URB1: variants seen among roughly 807,000 people sequenced by gnomAD.
URB1 encodes URB1 ribosome biogenesis factor, also known as nucleolar pre-ribosomal-associated protein 1.
URB1 carries 197 observed loss-of-function variants against 242.3 expected under a neutral mutation model. The observed-to-expected ratio is 0.81, with a 90% CI of 0.72 to 0.91. The LOEUF (loss-of-function observed/expected upper bound fraction) is 0.91. URB1 is among the 40% of genes least tolerant of loss of function. The pLI, the probability that URB1 is intolerant of heterozygous loss-of-function variation, is 0.00. For synonymous variants in URB1, 1,153 were observed against 1,201.8 expected, an observed-to-expected ratio of 0.96 and a Z score of 0.84; for missense variants, 2,721 against 2,860.5, an observed-to-expected ratio of 0.95 and a Z score of 1.11.
At chr21:32,321,750 A>G (rs1246169680) in intron 34 of URB1, 51 bp downstream of exon 34, 13 of 1,539,748 alleles carry the variant, frequency 8.4e-6, no homozygotes, top group Non-Finnish European at 1.1e-5. Context: ...TAAAATCTTA[A>G]GAAGGGGCAC....
In URB1 at chr21:32,345,430, G is replaced by A; in HGVS notation, c.4014C>T (p.Leu1338=). The part of the protein sequence containing the change: ...QLVPFARAKD[L]SVLMDRLPSL... ...TGGGCAGGCGGTCCATGAGTACACTGAGATCCTTGGCTCGTGCAAACGGGA... is the reference window on the plus strand; with the variant it reads ...TGGGCAGGCGGTCCATGAGTACACTAAGATCCTTGGCTCGTGCAAACGGGA... Residue 1338 remains leucine, a synonymous_variant, in exon 23 of 39, where the codon CTC becomes CTT. Transcript: ENST00000382751. 6.4e-7 allele frequency: 1 copy of A among 1,551,534 alleles called. No homozygotes were observed. Among genetic ancestry groups the A allele is most frequent in the Non-Finnish European group, 8.7e-7 (1 of 1,146,982 alleles).
intron 30 of URB1, among the ~76,000 whole-genome samples, chr21:32,331,186 C>T (rs1055885307): frequency 6.6e-6 from 1 of 152,120 alleles, no homozygotes; most frequent in African/African-American, 2.4e-5. Context: ...GCCACACCCC[C>T]AGCACACCCC....
chr21:32,314,376 G>T lies in URB1; in HGVS notation c.*542C>A. 1.7e-6 allele frequency: 1 copy of T among 574,970 alleles called. No homozygotes were observed. The highest frequency in any genetic ancestry group is 3.2e-6 in the Non-Finnish European group (1 of 309,378). 35.6% of individuals were successfully genotyped at this position (574,970 alleles called of 1,614,324 possible). Reference sequence around the variant, plus strand: ...ATTTTTGTATTTTTAGTAGAGATGGGGTTTCACCATGTTGGGAAGGCTGGT... The same window carrying T: ...ATTTTTGTATTTTTAGTAGAGATGGTGTTTCACCATGTTGGGAAGGCTGGT... On this transcript the variant is annotated 3_prime_UTR_variant, in exon 39 of 39. Coordinates refer to ENST00000382751, the MANE Select transcript of URB1 (RefSeq NM_014825.3).
At chr21:32,361,852 T>C (rs780940350) in intron 12 of URB1, 40 bp downstream of exon 12, 15 of 1,544,850 alleles carry the variant, frequency 9.7e-6, no homozygotes, top group Non-Finnish European at 1.2e-5. Flanking sequence ...CTCTGTCCCA[T>C]GCAAAAGGCA....
chr21:32,365,314 G>C (rs2033335283), intron 10 of URB1, among the ~76,000 whole-genome samples: 1 of 152,068 alleles, frequency 6.6e-6, no homozygotes, highest in East Asian at 1.9e-4. Context: ...AGCTGGGTGT[G>C]GTGGTGCGCA....
chr21:32,382,913 C>G (rs916555017), intron 4 of URB1, among the ~76,000 whole-genome samples: 1 of 152,300 alleles, frequency 6.6e-6, no homozygotes, highest in East Asian at 1.9e-4. Context: ...CCCATTTTTC[C>G]TGGGCACAAT....
In URB1 at chr21:32,354,856, T is replaced by C; in HGVS notation, c.2245+3A>G. 6.4e-7 allele frequency: 1 copy of C among 1,552,224 alleles called. No individual in the cohort carries two copies. Reference sequence around the variant, plus strand: ...GAGCAGCGCAGAACAGAATGGAACATACCGTCAATGTGGGAGATGGGAATG... The same window carrying C: ...GAGCAGCGCAGAACAGAATGGAACACACCGTCAATGTGGGAGATGGGAATG... On this transcript the variant is annotated splice_donor_region_variant and intron_variant, in intron 17 of 38. Coordinates refer to ENST00000382751, the MANE Select transcript of URB1 (RefSeq NM_014825.3).
rs748843176 is a variant in URB1 at position 32,311,887 on chromosome 21, A to G, written c.*3031T>C. 10 of 1,614,036 alleles carry G rather than the reference A, an allele frequency of 6.2e-6. 1 individual carries two copies. The South Asian group carries it at 1.1e-4, about 18-fold the overall frequency. ...TCCACCTTGCCCCTCGGGGGTTTCC[A>G]GACCCACCCCACTCTCCTCTGGGAA... On this transcript the variant is annotated 3_prime_UTR_variant, in exon 39 of 39. Coordinates refer to ENST00000382751, the MANE Select transcript of URB1 (RefSeq NM_014825.3).
intron 22 of URB1, 82 bp downstream of exon 22, chr21:32,346,874 G>C: frequency 7.0e-7 from 1 of 1,436,628 alleles, no homozygotes; most frequent in Non-Finnish European, 9.2e-7. Context: ...GAATTTCTAG[G>C]GTTTAAAAAT....
chr21:32,346,650 G>A (rs1313167930), intron 22 of URB1, among the ~76,000 whole-genome samples: 2 of 152,114 alleles, frequency 1.3e-5, no homozygotes, highest in Non-Finnish European at 2.9e-5. Flanking sequence ...CTCCTTCAAC[G>A]TAACAGGACA....
At chr21:32,327,221 TA>T (rs1252038286) in intron 30 of URB1, among the ~76,000 whole-genome samples, 2 of 151,930 alleles carry the variant, frequency 1.3e-5, no homozygotes, top group Admixed American at 1.3e-4. Flanking sequence ...ACCAGTGATT[TA>T]AAAAAAATCT....
In URB1 at chr21:32,320,499, T is replaced by C. The variant is rs1405458762; in HGVS notation, c.5594+32A>G. 5.5e-6 allele frequency: 8 copies of C among 1,465,160 alleles called. No individual in the cohort carries two copies. In the Admixed American group the frequency reaches 1.2e-4, roughly 22 times the overall value. The allele number at this position is 1,465,160 out of a possible 1,614,324, so 90.8% of individuals were successfully genotyped here. ...CGTTTCTGTTCCTTTCCTTCCCACC[T>C]GACGCGCACCTCGCATGCAAAAGGT... On this transcript the variant is annotated intron_variant, in intron 35 of 38. Transcript: ENST00000382751.
chr21:32,354,982 C>T lies in URB1; in HGVS notation c.2122G>A (p.Val708Met). The change falls in exon 17 of 39, where the codon GTG (valine) becomes ATG (methionine). Residue 708 changes from valine to methionine, a missense_variant. By Grantham distance (21) the Val-to-Met change is conservative. Transcript: ENST00000382751. The part of the protein sequence containing the change: ...QFLERILLTL[V>M]ANPYSYTDKA... Reference sequence around the variant, plus strand: ...TCTGTGTATGAATAGGGATTCGCCACCAATGTCAATAAAATCTGGGCATTA... The same window carrying T: ...TCTGTGTATGAATAGGGATTCGCCATCAATGTCAATAAAATCTGGGCATTA... The T allele has an allele frequency of 1.9e-6, 3 of 1,549,776 alleles. No individual in the cohort carries two copies. The highest frequency in any genetic ancestry group is 2.6e-6 in the Non-Finnish European group (3 of 1,145,398).
At chr21:32,360,934 C>G (rs1163037507) in intron 13 of URB1, 73 bp downstream of exon 13, 1 of 1,109,102 alleles carries the variant, frequency 9.0e-7, no homozygotes, top group East Asian at 2.8e-5. Context: ...CTTCCTGATT[C>G]TTGGCTGCAG....
chr21:32,392,931 G>C lies in URB1; in HGVS notation c.-21C>G. On this transcript the variant is annotated 5_prime_UTR_variant, in exon 1 of 39. Transcript: ENST00000382751. ...CCCATGGCCGAGAGGGCGGAAGCGC[G>C]ACGGAAACGACACACCTGAGGGGAC... 1 of 1,496,756 alleles carries C rather than the reference G, an allele frequency of 6.7e-7. No individual in the cohort carries two copies. The highest frequency in any genetic ancestry group is 8.9e-7 in the Non-Finnish European group (1 of 1,125,076). 92.7% of individuals were successfully genotyped at this position (1,496,756 alleles called of 1,614,324 possible).
At chr21:32,342,697 G>GC (rs57518837) in intron 24 of URB1, among the ~76,000 whole-genome samples, 144,213 of 147,750 alleles carry the variant, frequency 0.98, 70,460 homozygotes, top group East Asian at 1. Flanking sequence ...ACCCTGGTCA[G>GC]GATCTCCTCT....
Position 32,361,084 on chromosome 21 carries a change from T to C in URB1, c.1679A>G (p.Gln560Arg). The C allele has an allele frequency of 6.5e-7, 1 of 1,548,120 alleles. No individual in the cohort carries two copies. Among genetic ancestry groups the C allele is most frequent in the East Asian group, 2.5e-5 (1 of 40,754 alleles). Residue 560 changes from glutamine (Q) to arginine (R), a missense_variant, in exon 13 of 39, where the codon CAG (glutamine) becomes CGG (arginine). By Grantham distance (43) the Gln-to-Arg change is conservative. Coordinates refer to ENST00000382751, the MANE Select transcript of URB1 (RefSeq NM_014825.3). ...CACCTTCTGGTAGAGGCATATGACCTGGAGCAAAACAGCTTTCAAAAGAAT... is the reference window on the plus strand; with the variant it reads ...CACCTTCTGGTAGAGGCATATGACCCGGAGCAAAACAGCTTTCAAAAGAAT... ...ETILLKAVLL[Q>R]VICLYQKVVP... is the part of the protein sequence containing the mutation.
chr21:32,353,883 C>T, intron 18 of URB1, 50 bp downstream of exon 18: 2 of 1,535,602 alleles, frequency 1.3e-6, no homozygotes, highest in Non-Finnish European at 1.8e-6. Context: ...CCACCCTGCA[C>T]AGACTAGCCG....
rs1441388120 is a variant in URB1, at chr21:32,347,192, G to A, written c.3632C>T (p.Ala1211Val). 6.5e-6 allele frequency: 10 copies of A among 1,549,942 alleles called. No individual in the cohort carries two copies. Among genetic ancestry groups the A allele is most frequent in the South Asian group, 1.2e-5 (1 of 84,040 alleles). Residue 1211 changes from alanine to valine, a missense_variant, in exon 22 of 39, where the codon GCC (alanine) becomes GTC (valine). Coordinates refer to ENST00000382751, the MANE Select transcript of URB1 (RefSeq NM_014825.3). ...LHTLQRDPVL[A>V]PAVGADLLDY... ...AAGCAGATCAGCCCCGACTGCGGGG[G>A]CCAGCACAGGGTCTCTCTGCAGAGT...
Sources: gnomAD v4.1 joint callset for allele counts (sites outside exome capture counted in the v4.1 genomes callset) on GRCh38, gnomAD v4.1.1 for gene constraint, MANE v1.5 for transcripts, NCBI Gene and HGNC (gene_info 2026-07-23, HGNC 2026-07-21) for gene names.